The following DIS3 variants were observed in gnomAD, a reference collection of about 807,000 sequenced individuals.
DIS3 encodes exosome complex exonuclease RRP44.
A neutral mutation model predicts 113.0 loss-of-function variants in DIS3; 103 were observed. The ratio of observed to expected loss-of-function variants is 0.91; its 90% confidence interval spans 0.78 to 1.07. The LOEUF is 1.07. Ranked by LOEUF, DIS3 falls within the 50% of genes least tolerant of loss-of-function variation. The pLI, the probability that DIS3 is intolerant of heterozygous loss-of-function variation, is 0.00. For synonymous variants in DIS3, 402 were observed against 394.3 expected, an observed-to-expected ratio of 1.02 and a Z score of -0.23; for missense variants, 1,121 against 1,167.1, an observed-to-expected ratio of 0.96 and a Z score of 0.58.
At chr13:72,778,138 T>C in intron 3 of DIS3, 49 bp downstream of exon 3, 3 of 1,464,182 alleles carry the variant, frequency 2.0e-6, no homozygotes, top group Non-Finnish European at 2.8e-6. Context: ...ATGATTATTT[T>C]TACACGCATT....
intron 15 of DIS3, 92 bp downstream of exon 15, chr13:72,765,880 G>T: frequency 1.2e-6 from 1 of 851,146 alleles, no homozygotes; most frequent in Non-Finnish European, 1.7e-6. Flanking sequence ...TCATTATTTT[G>T]TATATAAACG....
chr13:72,772,931 G>T, intron 8 of DIS3, 92 bp from the exon 9 acceptor site: 1 of 1,359,722 alleles, frequency 7.4e-7, no homozygotes, highest in South Asian at 1.6e-5. Context: ...TATCTTCTCA[G>T]TATTCCTAAA....
chr13:72,760,883 C>A (rs9530096), intron 19 of DIS3, among the ~76,000 whole-genome samples: 18,239 of 152,010 alleles, frequency 0.12, 1,365 homozygotes, highest in Non-Finnish European at 0.17. Flanking sequence ...TCATTAAATT[C>A]TTGGTGATTA....
chr13:72,762,654 C>T (rs936078208), intron 16 of DIS3, among the ~76,000 whole-genome samples: 2 of 152,104 alleles, frequency 1.3e-5, no homozygotes, highest in Non-Finnish European at 2.9e-5. Flanking sequence ...CAATGTAGGC[C>T]ATAGTCACCC....
intron 16 of DIS3, 26 bp downstream of exon 16, chr13:72,763,425 T>C (rs1336435517): frequency 1.9e-6 from 3 of 1,574,668 alleles, no homozygotes; most frequent in Admixed American, 4.0e-5. Context: ...CACAAATAGA[T>C]GATTTTTCAA....
In DIS3 at chr13:72,776,083, C is replaced by G; in HGVS notation, c.664G>C (p.Glu222Gln). 1 of 1,592,964 alleles carries G rather than the reference C, an allele frequency of 6.3e-7. No homozygotes were observed. Among genetic ancestry groups the G allele is most frequent in the Non-Finnish European group, 8.5e-7 (1 of 1,174,244 alleles). The part of the protein sequence containing the change: ...ACLSEEGNEI[E>Q]SGKIIFSEHL... ...TCTGAAAATATTATTTTTCCACTTT[C>G]TATTTCATTCTATGAAAGAAGCAAA... The change falls in exon 5 of 21, where the codon GAA becomes CAA. Residue 222 changes from glutamate to glutamine, a missense_variant. Physicochemically the swap from Glu to Gln is conservative, Grantham distance 29. Transcript: ENST00000377767.
chr13:72,754,503 A>G lies in DIS3; in HGVS notation c.*5292T>C, dbSNP rs1348697330. On this transcript the variant is annotated 3_prime_UTR_variant, in exon 21 of 21. Transcript: ENST00000377767. ...ATATGCCAGTTTCTTATAAAATACT[A>G]TAAATATCAGCAAATGTGCAACAAA... 6.6e-6 allele frequency: 1 copy of G among 151,884 alleles called. No individual in the cohort carries two copies. Among genetic ancestry groups the G allele is most frequent in the African/African-American group, 2.4e-5 (1 of 41,330 alleles). 9.4% of individuals were successfully genotyped at this position (151,884 alleles called of 1,614,324 possible).
At position 72,776,111 on chromosome 13, in the gene DIS3, A is replaced by C. The variant is rs1467773574; in HGVS notation, c.655-19T>G. The C allele has an allele frequency of 6.3e-7, 1 of 1,576,576 alleles. No individual in the cohort carries two copies. Among genetic ancestry groups the C allele is most frequent in the Non-Finnish European group, 8.6e-7 (1 of 1,168,580 alleles). ...TTTCATTCTATGAAAGAAGCAAACCAAAAGATGCCGCTAATAAGTCTTCTG... is the reference window on the plus strand; with the variant it reads ...TTTCATTCTATGAAAGAAGCAAACCCAAAGATGCCGCTAATAAGTCTTCTG... On this transcript the variant is annotated intron_variant, in intron 4 of 20. Coordinates refer to ENST00000377767, the MANE Select transcript of DIS3 (RefSeq NM_014953.5).
At position 72,753,425 on chromosome 13, in the gene DIS3, T is replaced by C. The variant is rs2033334972; in HGVS notation, c.*6370A>G. 7.4e-6 allele frequency: 2 copies of C among 271,742 alleles called. No individual in the cohort carries two copies. Among genetic ancestry groups the C allele is most frequent in the South Asian group, 8.8e-5 (1 of 11,394 alleles). 16.8% of individuals were successfully genotyped at this position (271,742 alleles called of 1,614,324 possible). A position where few individuals can be genotyped will look rare whatever the true frequency, so the allele number is the denominator to read the frequency against. On this transcript the variant is annotated 3_prime_UTR_variant, in exon 21 of 21. Transcript: ENST00000377767. The stretch of plus-strand genomic sequence containing the variant: ...ACGATCACAAAATAACAGGAAAGCA[T>C]TGTGTCAGTAGGCTGTTCACTGATT...
intron 3 of DIS3, 51 bp from the exon 4 acceptor site, chr13:72,777,544 T>A: frequency 6.7e-7 from 1 of 1,485,830 alleles, no homozygotes; most frequent in South Asian, 1.2e-5. Flanking sequence ...TCCTTAGATA[T>A]GAAAAAAATG....
intron 6 of DIS3, among the ~76,000 whole-genome samples, chr13:72,774,270 C>T (rs1222486491): frequency 6.6e-6 from 1 of 152,064 alleles, no homozygotes; most frequent in Non-Finnish European, 1.5e-5. Context: ...TAAAGTACTA[C>T]AAAACAATCA....
rs1396040306 is a variant in DIS3 at position 72,755,981 on chromosome 13, A to G, written c.*3814T>C. ...CCAAGAGAAAAAGTGGGGCTGGGAG[A>G]GTGGAGTTCCCGTAGGGCATAGGCC... On this transcript the variant is annotated 3_prime_UTR_variant, in exon 21 of 21. Coordinates refer to ENST00000377767, the MANE Select transcript of DIS3 (RefSeq NM_014953.5). 1 of 398,406 alleles carries G rather than the reference A, an allele frequency of 2.5e-6. No homozygotes were observed. The highest frequency in any genetic ancestry group is 4.4e-6 in the Non-Finnish European group (1 of 226,066). 24.7% of individuals were successfully genotyped at this position (398,406 alleles called of 1,614,324 possible).
rs2033338243 is a variant in DIS3, at chr13:72,753,515, T to C, written c.*6280A>G. On this transcript the variant is annotated 3_prime_UTR_variant, in exon 21 of 21. Coordinates refer to ENST00000377767, the MANE Select transcript of DIS3 (RefSeq NM_014953.5). ...GTAAAATGACTACAATAATCAGTACTATGCAGGACTACCTTTTATATTTGT... is the reference window on the plus strand; with the variant it reads ...GTAAAATGACTACAATAATCAGTACCATGCAGGACTACCTTTTATATTTGT... 2 of 594,370 alleles carry C rather than the reference T, an allele frequency of 3.4e-6. No homozygotes were observed. The highest frequency in any genetic ancestry group is 5.7e-6 in the Non-Finnish European group (2 of 348,806). 36.8% of individuals were successfully genotyped at this position (594,370 alleles called of 1,614,324 possible).
chr13:72,775,395 G>A lies in DIS3; in HGVS notation c.823-20C>T. On this transcript the variant is annotated intron_variant, in intron 5 of 20. Coordinates refer to ENST00000377767, the MANE Select transcript of DIS3 (RefSeq NM_014953.5). ...GATTATCTGTTTAAAACAACAGAGGGCACGTGCCCAAATTATTTTTAATGG... is the reference window on the plus strand; with the variant it reads ...GATTATCTGTTTAAAACAACAGAGGACACGTGCCCAAATTATTTTTAATGG... The A allele has an allele frequency of 6.4e-7, 1 of 1,562,664 alleles. No individual in the cohort carries two copies. Among genetic ancestry groups the A allele is most frequent in the African/African-American group, 1.4e-5 (1 of 72,330 alleles).
At chr13:72,777,227 A>G (rs142172447) in intron 4 of DIS3, among the ~76,000 whole-genome samples, 193 bp downstream of exon 4, 12 of 152,308 alleles carry the variant, frequency 7.9e-5, no homozygotes, top group African/African-American at 2.6e-4. Context: ...GAATATATCT[A>G]TTTTAGAAAG....
At position 72,773,679 on chromosome 13, in the gene DIS3, C is replaced by G; in HGVS notation, c.1239+5G>C. ...CCCCACATAAAATTAATACTTTAAG[C>G]TTACATTTGGATATCTGGAATTTCT... On this transcript the variant is annotated splice_donor_5th_base_variant and intron_variant, in intron 8 of 20. Transcript: ENST00000377767. The G allele has an allele frequency of 6.2e-7, 1 of 1,605,180 alleles. No individual in the cohort carries two copies.
chr13:72,781,559 T>C lies in DIS3; in HGVS notation c.228+46A>G, dbSNP rs1350650152. The C allele has an allele frequency of 3.4e-6, 5 of 1,477,468 alleles. No homozygotes were observed. The South Asian group carries it at 6.8e-5, about 20-fold the overall frequency. The allele number at this position is 1,477,468 out of a possible 1,614,324, so 91.5% of individuals were successfully genotyped here. ...GCCTCAGTTTCCCTGTCATACCCCC[T>C]TGTCCCCGTGGGGCCGCGCTGTCCG... On this transcript the variant is annotated intron_variant, in intron 1 of 20. Transcript: ENST00000377767.
chr13:72,761,382 T>A lies in DIS3; in HGVS notation c.2651A>T (p.Gln884Leu), dbSNP rs1442958565. Reference sequence around the variant, plus strand: ...CCGTACCTCATCATCATAAATAAGCTGTGGGTTTGGTTTGTCCTTTTCTTC... The same window carrying A: ...CCGTACCTCATCATCATAAATAAGCAGTGGGTTTGGTTTGTCCTTTTCTTC... The part of the protein sequence containing the change: ...FFEEKDKPNP[Q>L]LIYDDEIPSL... Residue 884 changes from glutamine to leucine, a missense_variant, in exon 19 of 21, where the codon CAG (glutamine) becomes CTG (leucine). By Grantham distance (113) the Gln-to-Leu change is moderately radical. Coordinates refer to ENST00000377767, the MANE Select transcript of DIS3 (RefSeq NM_014953.5). The A allele has an allele frequency of 6.2e-7, 1 of 1,603,896 alleles. No homozygotes were observed. Among genetic ancestry groups the A allele is most frequent in the Non-Finnish European group, 8.5e-7 (1 of 1,177,790 alleles).
In DIS3 at chr13:72,762,044, T is replaced by G. The variant is rs765408030; in HGVS notation, c.2221A>C (p.Arg741=). Residue 741 remains arginine (R), a synonymous_variant, in exon 17 of 21, where the codon AGA becomes CGA. Transcript: ENST00000377767. Reference sequence around the variant, plus strand: ...ATCATACAGCGAGTGGCTAATATTCTCAACAGAGTGTTTAGATATGGAAAA... The same window carrying G: ...ATCATACAGCGAGTGGCTAATATTCGCAACAGAGTGTTTAGATATGGAAAA... ...PTFPYLNTLL[R]ILATRCMMQA... 1 of 1,614,156 alleles carries G rather than the reference T, an allele frequency of 6.2e-7. No homozygotes were observed. Among genetic ancestry groups the G allele is most frequent in the Non-Finnish European group, 8.5e-7 (1 of 1,180,032 alleles).
Sources: gnomAD v4.1 joint callset for allele counts (sites outside exome capture counted in the v4.1 genomes callset) on GRCh38, gnomAD v4.1.1 for gene constraint, MANE v1.5 for transcripts, NCBI Gene and HGNC (gene_info 2026-07-23, HGNC 2026-07-21) for gene names.